DGKG: variants seen among roughly 807,000 people sequenced by gnomAD.
DGKG encodes DAG kinase gamma.
Under a neutral mutation model 105.3 loss-of-function variants are expected in DGKG, and 78 were observed. The observed-to-expected ratio is 0.74, with a 90% confidence interval of 0.62 to 0.89. The LOEUF is 0.89. DGKG is among the 40% of genes least tolerant of loss of function. The probability of loss-of-function intolerance (pLI) is 0.00; values close to 1 mark genes in which losing one functional copy is unlikely to be tolerated. For missense variants in DGKG, 958 were observed against 1,020.1 expected (o/e 0.94, Z 0.83); for synonymous variants, 346 against 367.1 (o/e 0.94, Z 0.66).
rs749266684 is a variant in DGKG at position 186,211,891 on chromosome 3, C to T, written c.1827-6G>A. ...ACCACAGCTTGTTCTTCATCCTGGA[C>T]CACAAAGCAGAGAGATGTCTCAATA... On this transcript the variant is annotated splice_polypyrimidine_tract_variant and splice_region_variant and intron_variant, in intron 20 of 24. Coordinates refer to ENST00000265022, the MANE Select transcript of DGKG (RefSeq NM_001346.3). The T allele has an allele frequency of 1.2e-6, 2 of 1,611,456 alleles. No individual in the cohort carries two copies. Among genetic ancestry groups the T allele is most frequent in the Non-Finnish European group, 1.7e-6 (2 of 1,177,558 alleles).
At chr3:186,173,292 T>C (rs1355323145) in intron 22 of DGKG, among the ~76,000 whole-genome samples, 2 of 152,214 alleles carry the variant, frequency 1.3e-5, no homozygotes, top group Non-Finnish European at 2.9e-5. Flanking sequence ...CCTACTTCAC[T>C]GTGTTATTTT....
At chr3:186,265,484 CT>C (rs11354963) in intron 13 of DGKG, among the ~76,000 whole-genome samples, 178 bp from the exon 14 acceptor site, 39,393 of 151,908 alleles carry the variant, frequency 0.26, 5,148 homozygotes, top group South Asian at 0.3. Flanking sequence ...ACCCCTATGA[CT>C]TTTTCTAGGA....
rs370802324 is a variant in DGKG, at chr3:186,272,364, G to A, written c.911-21C>T. On this transcript the variant is annotated intron_variant, in intron 10 of 24. Transcript: ENST00000265022. The stretch of plus-strand genomic sequence containing the variant: ...ACAGTCTGAAAAGAAAAAAAGTCAA[G>A]GCAGGTGCTTGTGAATAGCCACGTA... 2.3e-5 allele frequency: 36 copies of A among 1,590,456 alleles called. No homozygotes were observed. In the African/African-American group the frequency reaches 4.6e-4, roughly 20 times the overall value.
chr3:186,302,543 TATATATATATATATAC>T (rs1560143835), intron 3 of DGKG, among the ~76,000 whole-genome samples: 12 of 32,934 alleles, frequency 3.6e-4, no homozygotes, highest in African/African-American at 1.4e-3. Context: ...CATATGTATA[TATATATATATATATAC>T]ACATATGTAT....
At chr3:186,347,790 C>T (rs1192606977) in intron 1 of DGKG, among the ~76,000 whole-genome samples, 1 of 152,066 alleles carries the variant, frequency 6.6e-6, no homozygotes, top group Non-Finnish European at 1.5e-5. Context: ...ACCATGTCAG[C>T]CAGGCTGGTC....
intron 17 of DGKG, 169 bp downstream of exon 17, chr3:186,257,681 CTTTT>C (rs34393958): frequency 2.0e-3 from 928 of 459,910 alleles, no homozygotes; most frequent in Middle Eastern, 3.4e-3. Context: ...TGTCTTATTT[CTTTT>C]TTTTTTTTTT....
At chr3:186,312,756 A>T (rs1724616047) in intron 2 of DGKG, among the ~76,000 whole-genome samples, 1 of 152,238 alleles carries the variant, frequency 6.6e-6, no homozygotes, top group Non-Finnish European at 1.5e-5. Flanking sequence ...GAGTTTTGTG[A>T]GGGTCCTGAA....
At chr3:186,352,788 C>G (rs1379564122) in intron 1 of DGKG, among the ~76,000 whole-genome samples, 1 of 152,170 alleles carries the variant, frequency 6.6e-6, no homozygotes, top group African/African-American at 2.4e-5. Flanking sequence ...CTCTCAGGGG[C>G]AGCCTCACTT....
intron 19 of DGKG, among the ~76,000 whole-genome samples, chr3:186,244,718 T>C (rs1488471918): frequency 2.0e-5 from 3 of 152,150 alleles, no homozygotes; most frequent in African/African-American, 4.8e-5. Context: ...ATTTATTTTT[T>C]AGCTTAAGAT....
chr3:186,251,801 C>T lies in DGKG; in HGVS notation c.1719G>A (p.Gln573=). The change falls in exon 19 of 25, where the codon CAG becomes CAA. Residue 573 remains glutamine, a synonymous_variant. Transcript: ENST00000265022. ...IPREEVENGD[Q]VPYSIMNNYF... ...AGTTGTTCATGATGCTGTATGGGAC[C>T]TGGTCCCCGTTTTCCACTTCCTCTC... is the stretch of plus-strand genomic sequence containing the variant. 2 of 1,614,124 alleles carry T rather than the reference C, an allele frequency of 1.2e-6. No homozygotes were observed. The highest frequency in any genetic ancestry group is 1.7e-6 in the Non-Finnish European group (2 of 1,179,980).
chr3:186,179,880 C>A (rs1006668029), intron 22 of DGKG, among the ~76,000 whole-genome samples: 7 of 152,216 alleles, frequency 4.6e-5, no homozygotes, highest in Non-Finnish European at 1.0e-4. Context: ...CAGCGCACGC[C>A]AGCATCACTC....
rs555475934 is a variant in DGKG at position 186,199,983 on chromosome 3, C to T, written c.1918-11604G>A. Among the ~76,000 whole-genome samples, 169 of 152,252 alleles carry T rather than the reference C, an allele frequency of 1.1e-3. 1 individual carries two copies. The highest frequency in any genetic ancestry group is 3.9e-3 in the African/African-American group (161 of 41,546). On this transcript the variant is annotated intron_variant, in intron 21 of 24. Coordinates refer to ENST00000265022, the MANE Select transcript of DGKG (RefSeq NM_001346.3). ...CAGCCCAACTTACAGAGTGCATGCT[C>T]CCGATGCCTCTTACTCTTGTGCTTT...
Position 186,150,337 on chromosome 3 carries a change from C to T in DGKG, c.2278-149G>A. 1.4e-5 allele frequency: 14 copies of T among 1,010,976 alleles called. No individual in the cohort carries two copies. In the South Asian group the frequency reaches 2.1e-4, roughly 15 times the overall value. The allele number at this position is 1,010,976 out of a possible 1,614,324, so 62.6% of individuals were successfully genotyped here. A position where few individuals can be genotyped will look rare whatever the true frequency, so the allele number is the denominator to read the frequency against. Reference sequence around the variant, plus strand: ...TGTCCTTGAACGGCTTCAAAATTGGCAACTTGACCCTGACTGGGCCTGGAG... The same window carrying T: ...TGTCCTTGAACGGCTTCAAAATTGGTAACTTGACCCTGACTGGGCCTGGAG... On this transcript the variant is annotated intron_variant, in intron 24 of 24. Coordinates refer to ENST00000265022, the MANE Select transcript of DGKG (RefSeq NM_001346.3).
intron 1 of DGKG, among the ~76,000 whole-genome samples, chr3:186,325,843 T>C (rs547440911): frequency 5.7e-4 from 87 of 152,316 alleles, no homozygotes; most frequent in Non-Finnish European, 1.1e-3. Context: ...ATTTGATCAG[T>C]GGAAGCTCAG....
chr3:186,297,733 C>T (rs950544027), intron 4 of DGKG, among the ~76,000 whole-genome samples: 1 of 152,212 alleles, frequency 6.6e-6, no homozygotes, highest in Non-Finnish European at 1.5e-5. Context: ...AGCCTGGACA[C>T]AGAAGCTGAA....
chr3:186,297,387 CT>C, intron 5 of DGKG, 33 bp downstream of exon 5: 3 of 1,550,092 alleles, frequency 1.9e-6, no homozygotes, highest in Non-Finnish European at 2.7e-6. Context: ...GTATTCCCTA[CT>C]TTTCCCACAA....
At chr3:186,342,155 T>TA (rs1726119381) in intron 1 of DGKG, among the ~76,000 whole-genome samples, 1 of 152,054 alleles carries the variant, frequency 6.6e-6, no homozygotes, top group African/African-American at 2.4e-5. Flanking sequence ...ACCCTAAAAC[T>TA]TAAAGTATAA....
rs768537842 is a variant in DGKG, at chr3:186,211,889, G to C, written c.1827-4C>G. On this transcript the variant is annotated splice_polypyrimidine_tract_variant and splice_region_variant and intron_variant, in intron 20 of 24. Coordinates refer to ENST00000265022, the MANE Select transcript of DGKG (RefSeq NM_001346.3). ...GTACCACAGCTTGTTCTTCATCCTG[G>C]ACCACAAAGCAGAGAGATGTCTCAA... 3.1e-6 allele frequency: 5 copies of C among 1,612,042 alleles called. No homozygotes were observed.
intron 1 of DGKG, among the ~76,000 whole-genome samples, chr3:186,344,594 G>T (rs1726242264): frequency 6.6e-6 from 1 of 152,136 alleles, no homozygotes; most frequent in African/African-American, 2.4e-5. Flanking sequence ...CTACTTGAGT[G>T]GGGAGGGTGG....
Sources: allele counts gnomAD v4.1 joint callset (sites outside exome capture counted in the v4.1 genomes callset), GRCh38; gene constraint gnomAD v4.1.1; transcripts MANE v1.5; gene names NCBI Gene and HGNC (gene_info 2026-07-23, HGNC 2026-07-21).